Variants in ERBB4 observed in about 807,000 individuals in gnomAD.
ERBB4 encodes the protein receptor tyrosine-protein kinase erbB-4.
A neutral mutation model predicts 158.0 loss-of-function variants in ERBB4; 42 were observed. The observed-to-expected ratio is 0.27, with a 90% confidence interval of 0.21 to 0.34. ERBB4 has a LOEUF of 0.34. ERBB4 is among the 10% of genes least tolerant of loss of function. The pLI is 1.00. For missense variants in ERBB4, 1,333 were observed against 1,624.1 expected (o/e 0.82, Z 3.08); for synonymous variants, 583 against 558.7 (o/e 1.04, Z -0.61).
At chr2:211,497,641 C>T (rs1394470250) in intron 20 of ERBB4, among the ~76,000 whole-genome samples, 1 of 151,882 alleles carries the variant, frequency 6.6e-6, no homozygotes, top group African/African-American at 2.4e-5. Context: ...GAGTTTAAGG[C>T]AAGAAAAATT....
chr2:212,028,132 T>A (rs892157091), intron 2 of ERBB4, among the ~76,000 whole-genome samples: 10 of 152,076 alleles, frequency 6.6e-5, no homozygotes, highest in Non-Finnish European at 1.5e-4. Context: ...GCCCCTGATT[T>A]TTTTTCAGGC....
At chr2:212,459,910 C>T (rs1207402092) in intron 1 of ERBB4, among the ~76,000 whole-genome samples, 2 of 152,112 alleles carry the variant, frequency 1.3e-5, no homozygotes, top group South Asian at 2.1e-4. Context: ...AACTAGACCC[C>T]TACTGATATG....
At chr2:211,680,187 G>A (rs767249615) in intron 12 of ERBB4, among the ~76,000 whole-genome samples, 11 of 152,204 alleles carry the variant, frequency 7.2e-5, no homozygotes, top group Non-Finnish European at 1.2e-4. Context: ...GTTGATGGCA[G>A]AAGGGCCAAA....
chr2:212,504,204 G>A (rs761837535), intron 1 of ERBB4, among the ~76,000 whole-genome samples: 6 of 152,190 alleles, frequency 3.9e-5, no homozygotes, highest in Admixed American at 1.3e-4. Context: ...TCAGAAGGTG[G>A]TATACATAAG....
chr2:211,427,105 A>G (rs576171039), intron 22 of ERBB4, among the ~76,000 whole-genome samples: 2 of 152,242 alleles, frequency 1.3e-5, no homozygotes, highest in South Asian at 4.1e-4. Context: ...TGGAATACAT[A>G]TGTGGAAGGA....
At chr2:211,520,353 T>C (rs539421561) in intron 20 of ERBB4, among the ~76,000 whole-genome samples, 2 of 152,262 alleles carry the variant, frequency 1.3e-5, no homozygotes, top group South Asian at 4.1e-4. Flanking sequence ...ATTGTCAGAC[T>C]GTTACAGGGA....
intron 3 of ERBB4, among the ~76,000 whole-genome samples, chr2:211,911,544 G>C (rs2079541124): frequency 6.6e-6 from 1 of 152,138 alleles, no homozygotes; most frequent in South Asian, 2.1e-4. Context: ...AGGATTACAG[G>C]AGTGAGCCAC....
chr2:212,468,020 C>A (rs973554853), intron 1 of ERBB4, among the ~76,000 whole-genome samples: 6 of 152,156 alleles, frequency 3.9e-5, no homozygotes, highest in Non-Finnish European at 7.3e-5. Flanking sequence ...TCTGGATATG[C>A]CTGGGTCCTG....
At chr2:212,048,472 A>C (rs1438683751) in intron 2 of ERBB4, among the ~76,000 whole-genome samples, 1 of 152,184 alleles carries the variant, frequency 6.6e-6, no homozygotes, top group African/African-American at 2.4e-5. Context: ...TTGGAAGGTA[A>C]AAATTAATAA....
intron 1 of ERBB4, among the ~76,000 whole-genome samples, chr2:212,134,662 TAACTA>T (rs1213548025): frequency 1.3e-5 from 2 of 150,088 alleles, no homozygotes; most frequent in African/African-American, 4.9e-5. Flanking sequence ...CTGCTGAAAT[TAACTA>T]AACACTTTCT....
chr2:212,053,369 G>C (rs2077456735), intron 2 of ERBB4, among the ~76,000 whole-genome samples: 1 of 152,052 alleles, frequency 6.6e-6, no homozygotes, highest in Admixed American at 6.6e-5. Context: ...AGTCACCCAG[G>C]TCTGATAATG....
At chr2:211,919,622 C>T (rs1347138420) in intron 3 of ERBB4, among the ~76,000 whole-genome samples, 1 of 151,982 alleles carries the variant, frequency 6.6e-6, no homozygotes, top group Non-Finnish European at 1.5e-5. Context: ...TTAAAATGGT[C>T]ACTGACCACA....
At chr2:212,208,782 C>T (rs2082843043) in intron 1 of ERBB4, among the ~76,000 whole-genome samples, 1 of 152,158 alleles carries the variant, frequency 6.6e-6, no homozygotes, top group Non-Finnish European at 1.5e-5. Flanking sequence ...CTTAAATAGA[C>T]ACCAGATCAT....
intron 20 of ERBB4, among the ~76,000 whole-genome samples, chr2:211,455,729 C>G: frequency 6.6e-6 from 1 of 152,072 alleles, no homozygotes; most frequent in Non-Finnish European, 1.5e-5. Context: ...AAAATATGTC[C>G]ACAAGTGAAG....
At chr2:211,529,704 A>C (rs1049400552) in intron 20 of ERBB4, among the ~76,000 whole-genome samples, 2 of 152,184 alleles carry the variant, frequency 1.3e-5, no homozygotes, top group Non-Finnish European at 2.9e-5. Flanking sequence ...TATGCAAATC[A>C]ACTAATGTGA....
chr2:211,950,503 T>C (rs2080845167), intron 2 of ERBB4, among the ~76,000 whole-genome samples: 1 of 152,202 alleles, frequency 6.6e-6, no homozygotes, highest in African/African-American at 2.4e-5. Context: ...TAACATTTTA[T>C]TTAGTAATCT....
In ERBB4 at chr2:211,376,096, G is replaced by A. The variant is rs1479066886; in HGVS notation, c.*7519C>T. 1 of 233,070 alleles carries A rather than the reference G, an allele frequency of 4.3e-6. No homozygotes were observed. Among genetic ancestry groups the A allele is most frequent in the Non-Finnish European group, 8.5e-6 (1 of 117,704 alleles). 14.4% of individuals were successfully genotyped at this position (233,070 alleles called of 1,614,324 possible). A position where few individuals can be genotyped will look rare whatever the true frequency, so the allele number is the denominator to read the frequency against. ...TTAAAAAAGTTAGTATGTGTTAGGT[G>A]CATGATCCTTCATCAATAACATGGA... On this transcript the variant is annotated 3_prime_UTR_variant, in exon 28 of 28. Coordinates refer to ENST00000342788, the MANE Select transcript of ERBB4 (RefSeq NM_005235.3).
chr2:212,185,392 C>T (rs1031671661), intron 1 of ERBB4, among the ~76,000 whole-genome samples: 8 of 151,816 alleles, frequency 5.3e-5, no homozygotes, highest in Non-Finnish European at 1.0e-4. Context: ...GGCTCATCTG[C>T]TTGGAATCAC....
At chr2:211,980,989 A>C (rs6721178) in intron 2 of ERBB4, among the ~76,000 whole-genome samples, 95,074 of 150,320 alleles carry the variant, frequency 0.63, 31,056 homozygotes, top group East Asian at 0.88. Context: ...ACCGCTCCCC[A>C]CCATCTGTAT....
Sources: gnomAD v4.1 joint callset for allele counts (sites outside exome capture counted in the v4.1 genomes callset) on GRCh38, gnomAD v4.1.1 for gene constraint, MANE v1.5 for transcripts, NCBI Gene and HGNC (gene_info 2026-07-23, HGNC 2026-07-21) for gene names.